FARP2: variants seen among roughly 807,000 people sequenced by gnomAD.
The protein encoded by FARP2 is FERM, ARH/RhoGEF and pleckstrin domain protein 2.
FARP2 carries 111 observed loss-of-function variants against 130.5 expected under a neutral mutation model. The observed-to-expected ratio is 0.85, with a 90% CI of 0.73 to 1.00. FARP2 has a LOEUF of 1.00. Among genes scored for constraint, FARP2 ranks in the 50% least tolerant of loss-of-function variants. The pLI is 0.00. For missense variants in FARP2, 1,385 were observed against 1,346.3 expected (o/e 1.03, Z -0.45); for synonymous variants, 504 against 516.9 (o/e 0.98, Z 0.34).
Position 241,391,899 on chromosome 2 carries a change from G to A in FARP2, c.184-11929G>A, listed in dbSNP as rs147871582. 1.1e-3 allele frequency among the ~76,000 whole-genome samples: 166 copies of A among 152,314 alleles called. 1 individual carries two copies. Among genetic ancestry groups the A allele is most frequent in the Non-Finnish European group, 8.1e-4 (55 of 68,026 alleles). ...AGAAACTGTACCAGTAATTTGAACA[G>A]GGAAATTTAATAGAAATAATGATTA... On this transcript the variant is annotated intron_variant, in intron 2 of 26. Transcript: ENST00000264042.
At position 241,463,974 on chromosome 2, in the gene FARP2, G is replaced by C. The variant is rs138490464; in HGVS notation, c.1887G>C (p.Gln629His). ...ACATCCTGCTCAGGAACATGCGCCAGTTAAAGGTAGGCTGCATGGTGACTA... is the reference window on the plus strand; with the variant it reads ...ACATCCTGCTCAGGAACATGCGCCACTTAAAGGTAGGCTGCATGGTGACTA... The part of the protein sequence containing the change: ...IGDILLRNMR[Q>H]LKEFTSYFQR... The change falls in exon 17 of 27, where the codon CAG becomes CAC. Residue 629 changes from glutamine to histidine, a missense_variant. Coordinates refer to ENST00000264042, the MANE Select transcript of FARP2 (RefSeq NM_014808.4). 3 of 1,613,540 alleles carry C rather than the reference G, an allele frequency of 1.9e-6. No homozygotes were observed. In the African/African-American group the frequency reaches 4.0e-5, roughly 22 times the overall value.
In FARP2 at chr2:241,477,179, G is replaced by A. The variant is rs916253425; in HGVS notation, c.2262+1192G>A. Among the ~76,000 whole-genome samples, 3 of 145,934 alleles carry A rather than the reference G, an allele frequency of 2.1e-5. No homozygotes were observed. The East Asian group carries it at 6.0e-4, about 29-fold the overall frequency. ...AGAGTCTTGCTCTGTCACCAGGCTG[G>A]GGTGCAGTGCCGCGATCTTGGCTCA... On this transcript the variant is annotated intron_variant, in intron 19 of 26. Transcript: ENST00000264042.
intron 22 of FARP2, 40 bp from the exon 23 acceptor site, chr2:241,491,021 G>A: frequency 6.7e-7 from 1 of 1,489,302 alleles, no homozygotes; most frequent in Non-Finnish European, 9.4e-7. Flanking sequence ...CCCTACACAA[G>A]GAAGAGCAGA....
At chr2:241,366,136 T>TATATATATATACGTATATATATAG (rs2061314523) in intron 1 of FARP2, among the ~76,000 whole-genome samples, 1 of 54,352 alleles carries the variant, frequency 1.8e-5, no homozygotes, top group Admixed American at 2.8e-4. Context: ...TATATATATA[T>TATATATATATACGTATATATATAG]ATACACACAC....
At chr2:241,422,829 A>G (rs1214930150) in intron 8 of FARP2, among the ~76,000 whole-genome samples, 1 of 152,240 alleles carries the variant, frequency 6.6e-6, no homozygotes. Flanking sequence ...AATCACAAGT[A>G]TCAATAGCAG....
At chr2:241,401,540 T>C (rs1452212948) in intron 2 of FARP2, among the ~76,000 whole-genome samples, 1 of 152,168 alleles carries the variant, frequency 6.6e-6, no homozygotes, top group Non-Finnish European at 1.5e-5. Context: ...TTTTAATTTT[T>C]ATCTTTTGTA....
chr2:241,436,038 A>C (rs1456920022), intron 11 of FARP2, among the ~76,000 whole-genome samples: 3 of 146,472 alleles, frequency 2.0e-5, no homozygotes, highest in Non-Finnish European at 4.5e-5. Flanking sequence ...TCAGCCTCCC[A>C]AGTAGCTGGG....
In FARP2 at chr2:241,460,858, C is replaced by T. The variant is rs142277772; in HGVS notation, c.1588-1665C>T. The stretch of plus-strand genomic sequence containing the variant: ...GAAGAGCTGAGAGAACAGCAGTGGA[C>T]GTGTGCAGGACTCTGGCGGGGGAGG... On this transcript the variant is annotated intron_variant, in intron 14 of 26. Coordinates refer to ENST00000264042, the MANE Select transcript of FARP2 (RefSeq NM_014808.4). 5.7e-3 allele frequency among the ~76,000 whole-genome samples: 870 copies of T among 152,176 alleles called. 39 individuals are homozygous for T. Among genetic ancestry groups the T allele is most frequent in the Admixed American group, 0.051 (783 of 15,296 alleles).
intron 1 of FARP2, among the ~76,000 whole-genome samples, chr2:241,362,258 G>C (rs2061205218): frequency 6.6e-6 from 1 of 151,878 alleles, no homozygotes; most frequent in Non-Finnish European, 1.5e-5. Flanking sequence ...ATGAATGTTG[G>C]AAAACAAGTA....
At position 241,431,573 on chromosome 2, in the gene FARP2, A is replaced by AGATATAATG; in HGVS notation, c.772-105_772-104insATATAATGG. 3 of 664,916 alleles carry AGATATAATG rather than the reference A, an allele frequency of 4.5e-6. No individual in the cohort carries two copies. The South Asian group carries it at 5.3e-5, about 12-fold the overall frequency. 41.2% of individuals were successfully genotyped at this position (664,916 alleles called of 1,614,324 possible). On this transcript the variant is annotated intron_variant, in intron 8 of 26. Coordinates refer to ENST00000264042, the MANE Select transcript of FARP2 (RefSeq NM_014808.4). The stretch of plus-strand genomic sequence containing the variant: ...TCTCAGATATAATGGTAAAATGCCA[A>AGATATAATG]GTAGAGTGCTGTGTTGGCAAGGATG...
At chr2:241,460,685 A>AG (rs35937695) in intron 14 of FARP2, among the ~76,000 whole-genome samples, 30,028 of 152,172 alleles carry the variant, frequency 0.2, 3,352 homozygotes, top group East Asian at 0.4. Flanking sequence ...AAGCTCAAAA[A>AG]GAAAAAATAG....
intron 2 of FARP2, among the ~76,000 whole-genome samples, chr2:241,373,974 A>G (rs900264023): frequency 7.9e-5 from 12 of 151,922 alleles, no homozygotes; most frequent in Admixed American, 3.3e-4. Context: ...TTGTTTTTCT[A>G]CATGTTATTA....
chr2:241,493,699 A>ATTCT, intron 26 of FARP2: 1 of 531,572 alleles, frequency 1.9e-6, no homozygotes, highest in Non-Finnish European at 3.4e-6. Flanking sequence ...GGTTCAAGCG[A>ATTCT]TTCTTCTGCC....
At chr2:241,364,978 C>A (rs1428091047) in intron 1 of FARP2, among the ~76,000 whole-genome samples, 1 of 152,148 alleles carries the variant, frequency 6.6e-6, no homozygotes, top group Non-Finnish European at 1.5e-5. Context: ...CACCCCTGCA[C>A]AAATCAGGTC....
intron 18 of FARP2, among the ~76,000 whole-genome samples, chr2:241,474,868 G>A (rs2064417237): frequency 6.6e-6 from 1 of 152,004 alleles, no homozygotes; most frequent in African/African-American, 2.4e-5. Flanking sequence ...TGGTCCCCAT[G>A]AGTGATTCCA....
Position 241,433,207 on chromosome 2 carries a change from C to T in FARP2, c.868-951C>T, listed in dbSNP as rs923185287. On this transcript the variant is annotated intron_variant, in intron 9 of 26. Coordinates refer to ENST00000264042, the MANE Select transcript of FARP2 (RefSeq NM_014808.4). ...AAAGCAGCTATTAACTTGAATAGGG[C>T]GATAAGTCAAAGCCCAGAACTGTTT... Among the ~76,000 whole-genome samples, 5 of 151,926 alleles carry T rather than the reference C, an allele frequency of 3.3e-5. No homozygotes were observed. The South Asian group carries it at 6.2e-4, about 19-fold the overall frequency.
At position 241,481,034 on chromosome 2, in the gene FARP2, C is replaced by T. The variant is rs149946401; in HGVS notation, c.2263-2431C>T. Reference sequence around the variant, plus strand: ...AGGAGATTGAGACTAGCCTGGGCAACATACTGATACCTTGTCTCTACCAAA... The same window carrying T: ...AGGAGATTGAGACTAGCCTGGGCAATATACTGATACCTTGTCTCTACCAAA... On this transcript the variant is annotated intron_variant, in intron 19 of 26. Transcript: ENST00000264042. 5.6e-3 allele frequency among the ~76,000 whole-genome samples: 675 copies of T among 119,782 alleles called. 2 individuals carry two copies. The highest frequency in any genetic ancestry group is 0.02 in the African/African-American group (629 of 31,242). The allele number at this position is 119,782 out of a possible 152,430, so 78.6% of individuals were successfully genotyped here.
chr2:241,441,329 G>T lies in FARP2; in HGVS notation c.1184G>T (p.Arg395Met), dbSNP rs2063377578. The T allele has an allele frequency of 6.2e-6, 10 of 1,607,442 alleles. No individual in the cohort carries two copies. Among genetic ancestry groups the T allele is most frequent in the Non-Finnish European group, 8.5e-6 (10 of 1,175,028 alleles). ...KQSISFPEGL[R>M]TPASPSSANA... is the part of the protein sequence containing the mutation. ...AGCATCTCATTCCCCGAGGGATTGA[G>T]GACTCCTGCCTCCCCATCTTCAGCG... Residue 395 changes from arginine (R) to methionine (M), a missense_variant, in exon 13 of 27, where the codon AGG becomes ATG. Arg to Met is a moderately conservative substitution (Grantham distance 91). Coordinates refer to ENST00000264042, the MANE Select transcript of FARP2 (RefSeq NM_014808.4).
rs1042074629 is a variant in FARP2, at chr2:241,418,101, G to A, written c.763G>A (p.Val255Met). ...QLAVSHMGVLVFQGTTKINTF... is the reference protein window; with the variant it reads ...QLAVSHMGVLMFQGTTKINTF... Reference sequence around the variant, plus strand: ...GGCAGTTTCCCACATGGGTGTACTCGTGTTCCAGGTAGGCCAGTGGGGAAG... The same window carrying A: ...GGCAGTTTCCCACATGGGTGTACTCATGTTCCAGGTAGGCCAGTGGGGAAG... The change falls in exon 8 of 27, where the codon GTG becomes ATG. Residue 255 changes from valine to methionine, a missense_variant. By Grantham distance (21) the Val-to-Met change is conservative. Transcript: ENST00000264042. 1.1e-5 allele frequency: 17 copies of A among 1,614,032 alleles called. No homozygotes were observed. Among genetic ancestry groups the A allele is most frequent in the Admixed American group, 5.0e-5 (3 of 59,988 alleles).
Sources: gnomAD v4.1 joint callset for allele counts (sites outside exome capture counted in the v4.1 genomes callset) on GRCh38, gnomAD v4.1.1 for gene constraint, MANE v1.5 for transcripts, NCBI Gene and HGNC (gene_info 2026-07-23, HGNC 2026-07-21) for gene names.